BAZ1A: variants seen among roughly 807,000 people sequenced by gnomAD.
The protein encoded by BAZ1A is bromodomain adjacent to zinc finger domain 1A.
Under a neutral mutation model 185.2 loss-of-function variants are expected in BAZ1A, and 50 were observed. That is an observed-to-expected ratio of 0.27 (90% CI 0.22 to 0.34). The LOEUF is 0.34. Among genes scored for constraint, BAZ1A ranks in the 10% least tolerant of loss-of-function variants. The pLI, the probability that BAZ1A is intolerant of heterozygous loss-of-function variation, is 1.00. For missense variants in BAZ1A, 1,356 were observed against 1,839.9 expected (o/e 0.74, Z 4.81); for synonymous variants, 571 against 615.6 (o/e 0.93, Z 1.07).
chr14:34,765,035 G>C lies in BAZ1A; in HGVS notation c.3535C>G (p.Arg1179Gly). The change falls in exon 22 of 27, where the codon CGA becomes GGA. Residue 1179 changes from arginine (R) to glycine (G), a missense_variant. Physicochemically the swap from Arg to Gly is moderately radical, Grantham distance 125 (BLOSUM62 -2). Transcript: ENST00000360310. ...CDRGHHTYCV[R>G]PKLKTVPEGD... Reference sequence around the variant, plus strand: ...GAAAAAAATACCTTGAGCTTTGGTCGAACACAGTAGGTATGATGACCCCTA... The same window carrying C: ...GAAAAAAATACCTTGAGCTTTGGTCCAACACAGTAGGTATGATGACCCCTA... The C allele has an allele frequency of 6.2e-7, 1 of 1,614,064 alleles. No homozygotes were observed. Among genetic ancestry groups the C allele is most frequent in the Non-Finnish European group, 8.5e-7 (1 of 1,179,998 alleles).
Position 34,872,913 on chromosome 14 carries a change from T to TAAAAAAA in BAZ1A, c.113+1572_113+1578dup, listed in dbSNP as rs35955993. 3.3e-3 allele frequency among the ~76,000 whole-genome samples: 252 copies of TAAAAAAA among 76,178 alleles called. 17 individuals are homozygous for TAAAAAAA. The highest frequency in any genetic ancestry group is 0.018 in the South Asian group (36 of 1,984). The allele number at this position is 76,178 out of a possible 152,430, so 50.0% of individuals were successfully genotyped here. On this transcript the variant is annotated intron_variant, in intron 2 of 26. Transcript: ENST00000360310. ...AGCAAGGCCTGTAGCTTTAAAATCCTAAAAAAAAAAAAAAAAAAAAAAAAA... is the reference window on the plus strand; with the variant it reads ...AGCAAGGCCTGTAGCTTTAAAATCCTAAAAAAAAAAAAAAAAAAAAAAAAAAAAAAAA...
At position 34,848,875 on chromosome 14, in the gene BAZ1A, A is replaced by C. The variant is rs530758020; in HGVS notation, c.392+13169T>G. Among the ~76,000 whole-genome samples the C allele has an allele frequency of 2.6e-5, 4 of 152,336 alleles. No homozygotes were observed. The East Asian group carries it at 7.7e-4, about 29-fold the overall frequency. Reference sequence around the variant, plus strand: ...GTTAGTCAAAGCTGAAAGAAAAGGCAGCTTATTATCTTCAAAGAGAGAACT... The same window carrying C: ...GTTAGTCAAAGCTGAAAGAAAAGGCCGCTTATTATCTTCAAAGAGAGAACT... On this transcript the variant is annotated intron_variant, in intron 3 of 26. Coordinates refer to ENST00000360310, the MANE Select transcript of BAZ1A (RefSeq NM_013448.3).
At chr14:34,844,205 C>CAAAA (rs71121227) in intron 3 of BAZ1A, among the ~76,000 whole-genome samples, 2 of 109,830 alleles carry the variant, frequency 1.8e-5, no homozygotes, top group Non-Finnish European at 1.8e-5. Context: ...GACTCCGTCT[C>CAAAA]AAAAAAAAAA....
At chr14:34,818,573 T>C (rs770578882) in intron 4 of BAZ1A, among the ~76,000 whole-genome samples, 5 of 152,194 alleles carry the variant, frequency 3.3e-5, no homozygotes, top group Non-Finnish European at 5.9e-5. Context: ...TTTTCACAAA[T>C]GTATATAATG....
Position 34,776,339 on chromosome 14 carries a change from A to G in BAZ1A, c.2413T>C (p.Leu805=). The change falls in exon 18 of 27, where the codon TTG becomes CTG. Residue 805 remains leucine, a synonymous_variant. Coordinates refer to ENST00000360310, the MANE Select transcript of BAZ1A (RefSeq NM_013448.3). ...CGTCTATACATGCGGTCGCGACCCA[A>G]GGGAAAGATATTGGTACAGGCTATG... ...SAIACTNIFP[L]GRDRMYRRYW... 1.2e-6 allele frequency: 2 copies of G among 1,614,170 alleles called. No individual in the cohort carries two copies. The highest frequency in any genetic ancestry group is 2.2e-5 in the South Asian group (2 of 91,076).
intron 3 of BAZ1A, among the ~76,000 whole-genome samples, chr14:34,856,938 TAAC>T (rs2042690478): frequency 7.5e-6 from 1 of 132,468 alleles, no homozygotes; most frequent in Non-Finnish European, 1.6e-5. Context: ...AATCAGAAAA[TAAC>T]AAGGCCTGAT....
intron 23 of BAZ1A, 91 bp downstream of exon 23, chr14:34,764,616 A>T: frequency 1.3e-6 from 2 of 1,495,544 alleles, no homozygotes; most frequent in Non-Finnish European, 1.8e-6. Context: ...AAACTAAGTT[A>T]CAGACCCTAA....
At chr14:34,821,701 T>G (rs531499620) in intron 4 of BAZ1A, among the ~76,000 whole-genome samples, 1 of 152,322 alleles carries the variant, frequency 6.6e-6, no homozygotes, top group South Asian at 2.1e-4. Flanking sequence ...AAAATAATTG[T>G]GAGCCAGGCA....
Position 34,778,409 on chromosome 14 carries a change from C to T in BAZ1A, c.2236+1777G>A, listed in dbSNP as rs767109345. On this transcript the variant is annotated intron_variant, in intron 17 of 26. Coordinates refer to ENST00000360310, the MANE Select transcript of BAZ1A (RefSeq NM_013448.3). Reference sequence around the variant, plus strand: ...TGTTGTTTCAGTTACTGTCAAATTGCTTTGATAGTTCGGAAGTATTTTTTC... The same window carrying T: ...TGTTGTTTCAGTTACTGTCAAATTGTTTTGATAGTTCGGAAGTATTTTTTC... Among the ~76,000 whole-genome samples, 7 of 152,172 alleles carry T rather than the reference C, an allele frequency of 4.6e-5. No homozygotes were observed. In the East Asian group the frequency reaches 5.8e-4, roughly 13 times the overall value.
chr14:34,872,911 C>A (rs1218453168), intron 2 of BAZ1A, among the ~76,000 whole-genome samples: 2 of 50,094 alleles, frequency 4.0e-5, no homozygotes, highest in Non-Finnish European at 7.4e-5. Flanking sequence ...GCTTTAAAAT[C>A]CTAAAAAAAA....
At position 34,874,599 on chromosome 14, in the gene BAZ1A, C is replaced by T; in HGVS notation, c.6G>A (p.Pro2=). Residue 2 remains proline (P), a synonymous_variant, in exon 2 of 27, where the codon CCG becomes CCA. Coordinates refer to ENST00000360310, the MANE Select transcript of BAZ1A (RefSeq NM_013448.3). This position sits in a 1 kb window ranked among gnomAD's most constrained non-coding sequence, Gnocchi z 4.7. ...TCACAAACGGCTTTCGGTGTAGCAG[C>T]GGCATCTCCCGTCCGCCCGCGGGCT... The part of the protein sequence containing the change: M[P]LLHRKPFVRQ... 6.2e-7 allele frequency: 1 copy of T among 1,605,734 alleles called. No homozygotes were observed. The highest frequency in any genetic ancestry group is 1.4e-5 in the African/African-American group (1 of 74,020).
intron 4 of BAZ1A, among the ~76,000 whole-genome samples, chr14:34,825,383 ACTTC>A (rs1472564442): frequency 7.3e-6 from 1 of 137,448 alleles, no homozygotes; most frequent in East Asian, 2.3e-4. Context: ...AACCCAGGAG[ACTTC>A]AGTGAGCCGA....
chr14:34,796,963 A>G (rs1881231331), intron 9 of BAZ1A, among the ~76,000 whole-genome samples: 1 of 152,258 alleles, frequency 6.6e-6, no homozygotes, highest in African/African-American at 2.4e-5. Flanking sequence ...ATGTGTATGT[A>G]TAGAAAGTTT....
At chr14:34,804,726 G>A (rs1161458662) in intron 6 of BAZ1A, among the ~76,000 whole-genome samples, 2 of 152,128 alleles carry the variant, frequency 1.3e-5, no homozygotes, top group African/African-American at 4.8e-5. Context: ...ATGAAATAAA[G>A]CACATGGGTG....
Position 34,783,777 on chromosome 14 carries a change from TC to T in BAZ1A, c.1981del (p.Glu661LysfsTer22). 6.2e-7 allele frequency: 1 copy of T among 1,608,206 alleles called. No individual in the cohort carries two copies. The highest frequency in any genetic ancestry group is 8.5e-7 in the Non-Finnish European group (1 of 1,178,522). ...LKAEQHRKER[E>X]EAAARIRKRK... ...TATCTCTTACCTGGCAGCTGCTTCT[TC>T]CCTCTCTTTTCGATGTTGTTCTGCT... On this transcript the variant is annotated frameshift_variant, in exon 15 of 27. Transcript: ENST00000360310. LOFTEE classifies it high-confidence loss of function.
chr14:34,764,609 C>T, intron 23 of BAZ1A, 98 bp downstream of exon 23: 1 of 1,472,324 alleles, frequency 6.8e-7, no homozygotes, highest in Non-Finnish European at 9.1e-7. Context: ...TAGTTTTAAA[C>T]TAAGTTACAG....
chr14:34,844,685 C>T (rs1234898796), intron 3 of BAZ1A, among the ~76,000 whole-genome samples: 1 of 151,404 alleles, frequency 6.6e-6, no homozygotes, highest in Non-Finnish European at 1.5e-5. Context: ...GGGAGGATAA[C>T]CTGAGCCCAG....
rs2042776039 is a variant in BAZ1A, at chr14:34,861,981, T to A, written c.392+63A>T. On this transcript the variant is annotated intron_variant, in intron 3 of 26. Coordinates refer to ENST00000360310, the MANE Select transcript of BAZ1A (RefSeq NM_013448.3). Reference sequence around the variant, plus strand: ...GATTTCCTTAGGTCACCACTTTGTGTGTTTTGGATTTTGAGCAATGTGAAT... The same window carrying A: ...GATTTCCTTAGGTCACCACTTTGTGAGTTTTGGATTTTGAGCAATGTGAAT... 4.6e-6 allele frequency: 7 copies of A among 1,538,250 alleles called. No individual in the cohort carries two copies. In the Admixed American group the frequency reaches 1.3e-4, roughly 28 times the overall value.
chr14:34,858,967 T>G (rs1195002283), intron 3 of BAZ1A, among the ~76,000 whole-genome samples: 1 of 152,196 alleles, frequency 6.6e-6, no homozygotes, highest in Non-Finnish European at 1.5e-5. Flanking sequence ...GCAGCAAGTA[T>G]GTCTGGCTTT....
Sources: gnomAD v4.1 joint callset for allele counts (sites outside exome capture counted in the v4.1 genomes callset) on GRCh38, gnomAD v4.1.1 for gene constraint, Gnocchi (gnomAD v3.1) non-coding constraint, MANE v1.5 for transcripts, NCBI Gene and HGNC (gene_info 2026-07-23, HGNC 2026-07-21) for gene names.